PDE10A: variants seen among roughly 807,000 people sequenced by gnomAD.
The protein encoded by PDE10A is phosphodiesterase 10A.
In PDE10A, 39 loss-of-function variants were observed where a neutral mutation model predicts 97.7. That is an observed-to-expected ratio of 0.40 (90% CI 0.31 to 0.52). The LOEUF (loss-of-function observed/expected upper bound fraction) is 0.52, where lower values mean the gene tolerates loss of function less well. PDE10A is among the 20% of genes least tolerant of loss of function. PDE10A has a pLI of 0.56. For missense variants in PDE10A, 731 were observed against 1,047.8 expected, an observed-to-expected ratio of 0.70 and a Z score of 4.17; for synonymous variants, 371 against 376.8, an observed-to-expected ratio of 0.98 and a Z score of 0.18.
At chr6:165,487,367 G>A (rs953013091) in intron 2 of PDE10A, among the ~76,000 whole-genome samples, 12 of 152,144 alleles carry the variant, frequency 7.9e-5, no homozygotes, top group Admixed American at 7.2e-4. Flanking sequence ...CACCCCAGAC[G>A]GGACTGTCTA....
At chr6:165,539,012 G>A (rs1052700505) in intron 2 of PDE10A, among the ~76,000 whole-genome samples, 6 of 152,096 alleles carry the variant, frequency 3.9e-5, no homozygotes, top group Admixed American at 2.0e-4. Flanking sequence ...ATGTATAGTC[G>A]TTTGATGAAA....
At chr6:165,888,452 G>GT (rs1341542713) in intron 1 of PDE10A, among the ~76,000 whole-genome samples, 4 of 151,890 alleles carry the variant, frequency 2.6e-5, no homozygotes, top group African/African-American at 9.7e-5. Context: ...CGCCTGGCTA[G>GT]TTTTTTGTAT....
intron 1 of PDE10A, among the ~76,000 whole-genome samples, chr6:165,956,163 C>G (rs1451715851): frequency 6.6e-6 from 1 of 152,212 alleles, no homozygotes; most frequent in Admixed American, 6.5e-5. Flanking sequence ...ATAGTAGCAT[C>G]TTATTTTCAG....
intron 13 of PDE10A, among the ~76,000 whole-genome samples, chr6:165,403,116 C>G (rs761412098): frequency 6.6e-6 from 1 of 152,114 alleles, no homozygotes; most frequent in Non-Finnish European, 1.5e-5. Flanking sequence ...AAGAATGTAA[C>G]GTTCAATGGA....
At chr6:165,614,471 C>T (rs1310237514) in intron 1 of PDE10A, among the ~76,000 whole-genome samples, 1 of 152,156 alleles carries the variant, frequency 6.6e-6, no homozygotes, top group Admixed American at 6.5e-5. Flanking sequence ...CGTCTGTCCT[C>T]ACACGCCACT....
chr6:165,849,689 G>A (rs769917337), intron 1 of PDE10A, among the ~76,000 whole-genome samples: 1 of 152,234 alleles, frequency 6.6e-6, no homozygotes, highest in Non-Finnish European at 1.5e-5. Context: ...GAGGCTGTGA[G>A]AGCCGGGGGC....
chr6:165,583,832 A>G (rs1479659692), intron 1 of PDE10A, among the ~76,000 whole-genome samples: 1 of 152,166 alleles, frequency 6.6e-6, no homozygotes, highest in Non-Finnish European at 1.5e-5. Flanking sequence ...AGGAATAGGA[A>G]TGGCACCCCT....
At chr6:165,515,031 T>C (rs1781712943) in intron 2 of PDE10A, among the ~76,000 whole-genome samples, 1 of 152,204 alleles carries the variant, frequency 6.6e-6, no homozygotes, top group Non-Finnish European at 1.5e-5. Flanking sequence ...TTTCAATGTG[T>C]AGTTCACTGA....
intron 1 of PDE10A, among the ~76,000 whole-genome samples, chr6:165,710,077 C>T (rs1274448108): frequency 6.6e-6 from 1 of 152,060 alleles, no homozygotes; most frequent in Non-Finnish European, 1.5e-5. Flanking sequence ...GACGCCTGCT[C>T]TTCTCTCCAC....
intron 1 of PDE10A, among the ~76,000 whole-genome samples, chr6:165,823,313 A>G (rs1779625037): frequency 6.7e-6 from 1 of 150,170 alleles, no homozygotes; most frequent in Non-Finnish European, 1.5e-5. Context: ...TAAGACACAC[A>G]CACAGCCTAG....
At chr6:165,698,321 TC>T (rs1427719374) in intron 1 of PDE10A, among the ~76,000 whole-genome samples, 1 of 152,180 alleles carries the variant, frequency 6.6e-6, no homozygotes, top group Non-Finnish European at 1.5e-5. Flanking sequence ...TACATTCTAA[TC>T]CTTTTTCTAG....
At chr6:165,464,133 C>G (rs1778496103) in intron 3 of PDE10A, among the ~76,000 whole-genome samples, 1 of 152,174 alleles carries the variant, frequency 6.6e-6, no homozygotes, top group African/African-American at 2.4e-5. Context: ...TTTAATTCCT[C>G]TAGCGCTGCT....
intron 1 of PDE10A, among the ~76,000 whole-genome samples, chr6:165,709,237 C>G (rs1472837383): frequency 7.3e-6 from 1 of 137,590 alleles, no homozygotes; most frequent in Non-Finnish European, 1.6e-5. Flanking sequence ...CCCATGCTCC[C>G]GTGCTCTCTC....
At chr6:165,794,240 C>A (rs562915451) in intron 1 of PDE10A, among the ~76,000 whole-genome samples, 2 of 151,456 alleles carry the variant, frequency 1.3e-5, no homozygotes, top group East Asian at 2.0e-4. Flanking sequence ...CCCTCCCACA[C>A]GCACACCTGC....
At chr6:165,562,447 A>C (rs1291495291) in intron 1 of PDE10A, among the ~76,000 whole-genome samples, 1 of 152,234 alleles carries the variant, frequency 6.6e-6, no homozygotes, top group Non-Finnish European at 1.5e-5. Flanking sequence ...CTACAACTTA[A>C]GACAAAGATG....
At chr6:165,760,023 C>T (rs1020423978) in intron 1 of PDE10A, among the ~76,000 whole-genome samples, 10 of 152,142 alleles carry the variant, frequency 6.6e-5, no homozygotes, top group Non-Finnish European at 1.3e-4. Context: ...GTGTTAGTAT[C>T]GCTTTTAAAA....
At chr6:165,725,166 C>T (rs1792261155) in intron 1 of PDE10A, among the ~76,000 whole-genome samples, 1 of 152,214 alleles carries the variant, frequency 6.6e-6, no homozygotes, top group South Asian at 2.1e-4. Context: ...GCCACTTCCA[C>T]CACTCAATAA....
At chr6:165,930,527 T>C (rs77343208) in intron 1 of PDE10A, among the ~76,000 whole-genome samples, 6,865 of 152,184 alleles carry the variant, frequency 0.045, 219 homozygotes, top group Middle Eastern at 0.071. Context: ...GTCCACAGAG[T>C]TGCTTCGAGT....
chr6:165,875,671 C>G (rs1007061714), intron 1 of PDE10A, among the ~76,000 whole-genome samples: 8 of 151,044 alleles, frequency 5.3e-5, no homozygotes, highest in African/African-American at 1.9e-4. Flanking sequence ...ATCACTGAAC[C>G]AAAACATTCA....
Sources: allele counts gnomAD v4.1 joint callset (sites outside exome capture counted in the v4.1 genomes callset), GRCh38; gene constraint gnomAD v4.1.1; transcripts MANE v1.5; gene names NCBI Gene and HGNC (gene_info 2026-07-23, HGNC 2026-07-21).